Variants in EXOC6 observed in about 807,000 individuals in gnomAD.
The protein encoded by EXOC6 is SEC15-like 1.
A neutral mutation model predicts 112.5 loss-of-function variants in EXOC6; 60 were observed. That is an observed-to-expected ratio of 0.53 (90% confidence interval 0.43 to 0.66). The LOEUF (loss-of-function observed/expected upper bound fraction) is 0.66, where lower values mean the gene tolerates loss of function less well. Ranked by LOEUF, EXOC6 falls within the 30% of genes least tolerant of loss-of-function variation. EXOC6 has a pLI of 0.00. For missense variants in EXOC6, 855 were observed against 957.1 expected, an observed-to-expected ratio of 0.89 and a Z score of 1.41; for synonymous variants, 295 against 308.0, an observed-to-expected ratio of 0.96 and a Z score of 0.44.
chr10:92,909,773 G>T, intron 6 of EXOC6, 142 bp downstream of exon 6: 2 of 590,466 alleles, frequency 3.4e-6, no homozygotes, highest in Non-Finnish European at 5.8e-6. Context: ...TGTTTAGAAA[G>T]GATTCTATCA....
intron 18 of EXOC6, among the ~76,000 whole-genome samples, chr10:92,975,249 C>T (rs1454864489): frequency 1.3e-5 from 2 of 151,860 alleles, no homozygotes; most frequent in South Asian, 2.1e-4. Flanking sequence ...GCGCCTCTAC[C>T]CGGCCGCGAC....
intron 1 of EXOC6, among the ~76,000 whole-genome samples, chr10:92,842,215 C>T (rs1342692706): frequency 3.9e-5 from 6 of 151,942 alleles, no homozygotes; most frequent in Non-Finnish European, 8.8e-5. Context: ...AAAAATTAGC[C>T]GAGTGTGGTG....
intron 1 of EXOC6, among the ~76,000 whole-genome samples, chr10:92,827,151 A>G (rs1477633661): frequency 1.3e-5 from 2 of 152,136 alleles, no homozygotes; most frequent in Non-Finnish European, 2.9e-5. Flanking sequence ...CCTATGGTGC[A>G]TTCCATGGCC....
chr10:92,919,734 C>T (rs1380979163), intron 7 of EXOC6, among the ~76,000 whole-genome samples: 1 of 152,086 alleles, frequency 6.6e-6, no homozygotes, highest in Non-Finnish European at 1.5e-5. Flanking sequence ...AATTTCTCTC[C>T]TTGGTTACCT....
At chr10:92,831,822 A>G (rs1846492806), upstream of EXOC6, among the ~76,000 whole-genome samples, 1 of 152,244 alleles carries the variant, frequency 6.6e-6, no homozygotes, top group African/African-American at 2.4e-5. Context: ...AGAGAGAGAA[A>G]GAGAGTAAAT....
chr10:92,911,931 C>CGTGTG (rs1564823562), intron 6 of EXOC6, among the ~76,000 whole-genome samples: 1 of 44,104 alleles, frequency 2.3e-5, no homozygotes, highest in Non-Finnish European at 4.4e-5. Flanking sequence ...CTCTCTCTCT[C>CGTGTG]TGTGTGCGTG....
At chr10:92,869,626 C>T (rs1848342320) in intron 1 of EXOC6, among the ~76,000 whole-genome samples, 1 of 152,048 alleles carries the variant, frequency 6.6e-6, no homozygotes, top group African/African-American at 2.4e-5. Flanking sequence ...CTTACATTGT[C>T]ATTTAATTGG....
chr10:92,970,111 A>G (rs1002880647), intron 17 of EXOC6, among the ~76,000 whole-genome samples: 1 of 152,064 alleles, frequency 6.6e-6, no homozygotes, highest in Admixed American at 6.5e-5. Context: ...ACTGCTTACT[A>G]TGTGCCAAGC....
chr10:92,956,556 C>A (rs980204), intron 17 of EXOC6, among the ~76,000 whole-genome samples: 118,186 of 152,010 alleles, frequency 0.78, 47,289 homozygotes, highest in East Asian at 0.99. Flanking sequence ...CCATATGTTG[C>A]AAGTGTGAAG....
intron 18 of EXOC6, among the ~76,000 whole-genome samples, chr10:92,980,655 T>G (rs1842793352): frequency 6.6e-6 from 1 of 152,220 alleles, no homozygotes; most frequent in Admixed American, 6.5e-5. Context: ...GTTGCAGTGC[T>G]TACAATTGCT....
chr10:92,912,784 G>A (rs1850862084), intron 6 of EXOC6, among the ~76,000 whole-genome samples: 1 of 152,144 alleles, frequency 6.6e-6, no homozygotes, highest in Non-Finnish European at 1.5e-5. Context: ...TCTCAGAAGG[G>A]AGTATGCCTT....
chr10:92,930,867 A>C (rs1215817592), intron 9 of EXOC6, among the ~76,000 whole-genome samples: 1 of 152,090 alleles, frequency 6.6e-6, no homozygotes, highest in Non-Finnish European at 1.5e-5. Flanking sequence ...TAATCCCAGC[A>C]CTTTGGGAGG....
At chr10:92,864,962 AGAACCCT>A (rs2133696592) in intron 1 of EXOC6, among the ~76,000 whole-genome samples, 1 of 152,292 alleles carries the variant, frequency 6.6e-6, no homozygotes, top group South Asian at 2.1e-4. Context: ...GTTCCTTTGG[AGAACCCT>A]GACTAATTCA....
intron 1 of EXOC6, among the ~76,000 whole-genome samples, chr10:92,879,147 A>G (rs982547411): frequency 4.6e-5 from 7 of 152,202 alleles, no homozygotes; most frequent in Non-Finnish European, 8.8e-5. Context: ...TTTTCCCCCT[A>G]TAAAATGCTA....
chr10:93,028,360 G>C (rs1327513580), intron 20 of EXOC6, among the ~76,000 whole-genome samples: 2 of 152,100 alleles, frequency 1.3e-5, no homozygotes, highest in Non-Finnish European at 2.9e-5. Context: ...CTTCAGTGGA[G>C]GAACTAACTG....
chr10:92,960,117 C>G (rs530026432), intron 17 of EXOC6, among the ~76,000 whole-genome samples: 1 of 152,290 alleles, frequency 6.6e-6, no homozygotes, highest in East Asian at 1.9e-4. Flanking sequence ...CCAAGATGTC[C>G]TTCAGTAGGT....
intron 15 of EXOC6, among the ~76,000 whole-genome samples, chr10:92,953,649 C>T (rs750330980): frequency 6.6e-6 from 1 of 152,034 alleles, no homozygotes; most frequent in Non-Finnish European, 1.5e-5. Context: ...TCAATAGTGC[C>T]GAGATGGATA....
At chr10:93,019,891 C>G (rs1590054389) in intron 20 of EXOC6, among the ~76,000 whole-genome samples, 1 of 152,116 alleles carries the variant, frequency 6.6e-6, no homozygotes, top group South Asian at 2.1e-4. Context: ...TTTTAAAAGT[C>G]TAATCCAAAA....
intron 1 of EXOC6, among the ~76,000 whole-genome samples, chr10:92,867,743 T>C (rs1171456646): frequency 2.0e-5 from 3 of 152,112 alleles, no homozygotes; most frequent in Middle Eastern, 3.2e-3. Context: ...AAAAACAATA[T>C]AGGATTTGGG....
Sources: gnomAD v4.1 joint callset for allele counts (sites outside exome capture counted in the v4.1 genomes callset) on GRCh38, gnomAD v4.1.1 for gene constraint, MANE v1.5 for transcripts, NCBI Gene and HGNC (gene_info 2026-07-23, HGNC 2026-07-21) for gene names.